The following KSR2 variants were observed in gnomAD, a reference collection of about 807,000 sequenced individuals.
KSR2 encodes kinase suppressor of ras 2.
Under a neutral mutation model 107.8 loss-of-function variants are expected in KSR2, and 25 were observed. The ratio of observed to expected loss-of-function variants is 0.23; its 90% CI spans 0.17 to 0.32. The LOEUF (loss-of-function observed/expected upper bound fraction) is 0.32. Among genes scored for constraint, KSR2 ranks in the 10% least tolerant of loss-of-function variants. The pLI is 1.00. For synonymous variants in KSR2, 480 were observed against 507.0 expected, an observed-to-expected ratio of 0.95 and a Z score of 0.71; for missense variants, 887 against 1,268.9, an observed-to-expected ratio of 0.70 and a Z score of 4.57.
At chr12:117,795,645 T>C (rs1303176095) in intron 3 of KSR2, among the ~76,000 whole-genome samples, 2 of 152,212 alleles carry the variant, frequency 1.3e-5, no homozygotes, top group African/African-American at 2.4e-5. Context: ...TATTTATTTA[T>C]TGAGACAGGG....
At chr12:117,697,938 T>TAAAA (rs1886139942) in intron 4 of KSR2, among the ~76,000 whole-genome samples, 1 of 152,024 alleles carries the variant, frequency 6.6e-6, no homozygotes, top group Non-Finnish European at 1.5e-5. Context: ...ATATGACTGA[T>TAAAA]GTCCCTATAA....
chr12:117,588,356 T>C (rs144406601), intron 5 of KSR2, among the ~76,000 whole-genome samples: 1 of 152,118 alleles, frequency 6.6e-6, no homozygotes, highest in Admixed American at 6.5e-5. Context: ...AAGGTAGCCA[T>C]GGGAAGAAGG....
At chr12:117,564,145 G>A (rs1437287713) in intron 7 of KSR2, among the ~76,000 whole-genome samples, 2 of 152,204 alleles carry the variant, frequency 1.3e-5, no homozygotes, top group Non-Finnish European at 2.9e-5. Flanking sequence ...GGGAAGAGGT[G>A]AGGTGGACAC....
At chr12:117,547,327 G>T (rs190479622) in intron 9 of KSR2, among the ~76,000 whole-genome samples, 4 of 152,284 alleles carry the variant, frequency 2.6e-5, no homozygotes, top group Middle Eastern at 3.4e-3. Context: ...TGCTGGGAGG[G>T]GTAAGAATGC....
intron 5 of KSR2, among the ~76,000 whole-genome samples, chr12:117,642,667 A>G (rs1883431718): frequency 1.3e-5 from 2 of 152,242 alleles, no homozygotes; most frequent in African/African-American, 4.8e-5. Flanking sequence ...GCTCTAAGCC[A>G]TACTGGAGTT....
chr12:117,529,907 G>A (rs1418734392), intron 12 of KSR2, among the ~76,000 whole-genome samples: 2 of 152,052 alleles, frequency 1.3e-5, no homozygotes, highest in Admixed American at 1.3e-4. Context: ...TGTAATCCCA[G>A]CTACTCGGGA....
intron 14 of KSR2, among the ~76,000 whole-genome samples, chr12:117,488,955 C>G (rs1361253802): frequency 6.6e-6 from 1 of 152,166 alleles, no homozygotes; most frequent in East Asian, 1.9e-4. Flanking sequence ...ATGATATATA[C>G]TTATAACAAA....
chr12:117,952,709 C>T (rs915148015), intron 1 of KSR2, among the ~76,000 whole-genome samples: 8 of 148,630 alleles, frequency 5.4e-5, no homozygotes, highest in African/African-American at 1.2e-4. Context: ...TTTGGCCGTG[C>T]GTGGCGGCTC....
Position 117,510,208 on chromosome 12 carries a change from C to T in KSR2, c.2219+14644G>A, listed in dbSNP as rs911603881. Among the ~76,000 whole-genome samples the T allele has an allele frequency of 5.9e-5, 9 of 152,314 alleles. No individual in the cohort carries two copies. The South Asian group carries it at 1.0e-3, about 18-fold the overall frequency. The stretch of plus-strand genomic sequence containing the variant: ...ACCAAAAGCACCAAGCCCACTGATA[C>T]GTGGAAAAAGTCAAAGTGCTTAGAA... On this transcript the variant is annotated intron_variant, in intron 14 of 19. Coordinates refer to ENST00000339824, the MANE Select transcript of KSR2 (RefSeq NM_173598.6).
intron 3 of KSR2, among the ~76,000 whole-genome samples, chr12:117,793,744 GCA>G (rs766871386): frequency 3.8e-4 from 48 of 125,176 alleles, no homozygotes; most frequent in Non-Finnish European, 3.0e-4. Flanking sequence ...CTCATACCAT[GCA>G]CATATACACC....
chr12:117,461,673 TC>T lies in KSR2; in HGVS notation c.*5525del. On this transcript the variant is annotated 3_prime_UTR_variant, in exon 20 of 20. Transcript: ENST00000339824. ...ACAGAGGTTCACTGCGGCTCCACAT[TC>T]CAGGACCCAGACTGACATTTGCTGC... 5.5e-6 allele frequency: 1 copy of T among 181,446 alleles called. No homozygotes were observed. The allele number at this position is 181,446 out of a possible 1,614,324, so 11.2% of individuals were successfully genotyped here.
chr12:117,747,185 A>G (rs1888439675), intron 4 of KSR2, among the ~76,000 whole-genome samples: 1 of 152,208 alleles, frequency 6.6e-6, no homozygotes, highest in African/African-American at 2.4e-5. Flanking sequence ...ACCAACCCAA[A>G]TGCCCATCAA....
At chr12:117,577,923 G>A (rs1232558817) in intron 7 of KSR2, among the ~76,000 whole-genome samples, 5 of 152,196 alleles carry the variant, frequency 3.3e-5, no homozygotes, top group Non-Finnish European at 5.9e-5. Flanking sequence ...GAAGTGACTT[G>A]CCCAAGGTCA....
intron 7 of KSR2, among the ~76,000 whole-genome samples, chr12:117,570,099 T>C (rs1330447486): frequency 1.3e-5 from 2 of 151,706 alleles, no homozygotes; most frequent in African/African-American, 4.8e-5. Context: ...GCCTCCCAGG[T>C]TCACGCCATT....
chr12:117,512,673 G>T lies in KSR2; in HGVS notation c.2219+12179C>A, dbSNP rs549020253. Among the ~76,000 whole-genome samples the T allele has an allele frequency of 4.6e-5, 7 of 152,180 alleles. No individual in the cohort carries two copies. In the South Asian group the frequency reaches 1.5e-3, roughly 32 times the overall value. On this transcript the variant is annotated intron_variant, in intron 14 of 19. Coordinates refer to ENST00000339824, the MANE Select transcript of KSR2 (RefSeq NM_173598.6). The stretch of plus-strand genomic sequence containing the variant: ...CTCCCAGGCTAATATCTCCAGTCTA[G>T]AACTCATCTCTGAACAGCGAGATAT...
At chr12:117,580,665 G>C (rs544910378) in intron 6 of KSR2, among the ~76,000 whole-genome samples, 1 of 152,326 alleles carries the variant, frequency 6.6e-6, no homozygotes, top group African/African-American at 2.4e-5. Flanking sequence ...AGAGTAGCAG[G>C]TCATCCCAAG....
chr12:117,948,962 C>T (rs187277981), intron 1 of KSR2, among the ~76,000 whole-genome samples: 149 of 151,998 alleles, frequency 9.8e-4, no homozygotes, highest in Admixed American at 2.1e-3. Flanking sequence ...GGCATGGTGG[C>T]GGGTGCCTGT....
intron 14 of KSR2, among the ~76,000 whole-genome samples, chr12:117,512,003 T>C (rs1592941952): frequency 6.6e-6 from 1 of 152,314 alleles, no homozygotes; most frequent in East Asian, 1.9e-4. Flanking sequence ...CCCACTAACC[T>C]GGTTCAGAGG....
chr12:117,596,875 C>A (rs971696416), intron 5 of KSR2, among the ~76,000 whole-genome samples: 19 of 152,224 alleles, frequency 1.2e-4, no homozygotes, highest in African/African-American at 4.3e-4. Context: ...TGATAAAGCA[C>A]TGCATTACTG....
Sources: gnomAD v4.1 joint callset for allele counts (sites outside exome capture counted in the v4.1 genomes callset) on GRCh38, gnomAD v4.1.1 for gene constraint, MANE v1.5 for transcripts, NCBI Gene and HGNC (gene_info 2026-07-23, HGNC 2026-07-21) for gene names.